Variants in PCDHA2 observed in about 807,000 individuals in gnomAD.
PCDHA2 encodes protocadherin alpha 2, also known as protocadherin alpha-2.
Under a neutral mutation model 66.0 loss-of-function variants are expected in PCDHA2, and 58 were observed. The ratio of observed to expected loss-of-function variants is 0.88; its 90% CI spans 0.71 to 1.09. PCDHA2 has a LOEUF of 1.09. Ranked by LOEUF, PCDHA2 falls within the 50% of genes least tolerant of loss-of-function variation. The pLI is 0.00. For missense variants in PCDHA2, 1,267 were observed against 1,242.3 expected, an observed-to-expected ratio of 1.02 and a Z score of -0.30; for synonymous variants, 634 against 554.0, an observed-to-expected ratio of 1.14 and a Z score of -2.03.
rs372206309 is a variant in PCDHA2, at chr5:140,802,317, G to A, written c.2388+4965G>A. ...TAGCACAGTCATCGCTCTGATCAGC[G>A]TGTCCGACCGCGACTCAGGAGTCAA... On this transcript the variant is annotated intron_variant, in intron 1 of 3. Coordinates refer to ENST00000526136, the MANE Select transcript of PCDHA2 (RefSeq NM_018905.3). The A allele has an allele frequency of 8.1e-6, 13 of 1,614,088 alleles. No individual in the cohort carries two copies. The highest frequency in any genetic ancestry group is 1.3e-5 in the African/African-American group (1 of 74,922).
At chr5:140,896,858 A>C (rs1448787828) in intron 1 of PCDHA2, among the ~76,000 whole-genome samples, 3 of 152,192 alleles carry the variant, frequency 2.0e-5, no homozygotes, top group Non-Finnish European at 4.4e-5. Context: ...TGGGTACATA[A>C]TAAGTGTACA....
chr5:140,884,357 A>C, intron 1 of PCDHA2: 1 of 1,613,864 alleles, frequency 6.2e-7, no homozygotes. Context: ...GGTGGATGTC[A>C]ATGTTTACTT....
intron 1 of PCDHA2, among the ~76,000 whole-genome samples, chr5:140,798,107 A>G (rs1259151781): frequency 6.6e-6 from 1 of 152,092 alleles, no homozygotes; most frequent in Non-Finnish European, 1.5e-5. Flanking sequence ...CCTGGCCTCA[A>G]GTGATCCACC....
chr5:140,967,017 C>T, intron 1 of PCDHA2: 1 of 1,606,892 alleles, frequency 6.2e-7, no homozygotes, highest in Non-Finnish European at 8.5e-7. Context: ...CATCTGGGTG[C>T]GCCCAGTCCG....
intron 1 of PCDHA2, among the ~76,000 whole-genome samples, chr5:140,891,033 G>C (rs2062910794): frequency 6.6e-6 from 1 of 151,596 alleles, no homozygotes; most frequent in South Asian, 2.1e-4. Context: ...TATAATCTTA[G>C]GTGTGACCCC....
chr5:140,870,509 C>T, intron 1 of PCDHA2: 2 of 1,614,230 alleles, frequency 1.2e-6, no homozygotes, highest in Non-Finnish European at 1.7e-6. Context: ...AACAACCCAC[C>T]AGGCTGCCAC....
chr5:140,806,966 G>T, intron 1 of PCDHA2: 2 of 604,288 alleles, frequency 3.3e-6, no homozygotes. Flanking sequence ...TTCCACAATT[G>T]CTACTTACGG....
At chr5:140,977,815 G>C (rs2096776039) in intron 1 of PCDHA2, among the ~76,000 whole-genome samples, 1 of 152,208 alleles carries the variant, frequency 6.6e-6, no homozygotes, top group Non-Finnish European at 1.5e-5. Context: ...ATTATTGACA[G>C]TTTTGAATGG....
At chr5:140,952,675 T>A (rs2153696875) in intron 1 of PCDHA2, among the ~76,000 whole-genome samples, 1 of 152,326 alleles carries the variant, frequency 6.6e-6, no homozygotes, top group East Asian at 1.9e-4. Context: ...ACTTTCACAT[T>A]TTCAGGATCT....
chr5:140,926,353 C>T (rs1402316154), intron 1 of PCDHA2: 1 of 152,272 alleles, frequency 6.6e-6, no homozygotes, highest in Non-Finnish European at 1.5e-5. Flanking sequence ...ACGCGCGGCT[C>T]CCAAAGGGCG....
intron 3 of PCDHA2, among the ~76,000 whole-genome samples, chr5:140,984,330 A>C (rs2097097334): frequency 6.6e-6 from 1 of 152,204 alleles, no homozygotes; most frequent in Admixed American, 6.5e-5. Context: ...CAAATGTGGA[A>C]TAGGAACCAT....
chr5:140,981,861 A>G (rs1554243465), intron 2 of PCDHA2, among the ~76,000 whole-genome samples: 1 of 152,126 alleles, frequency 6.6e-6, no homozygotes, highest in Non-Finnish European at 1.5e-5. Context: ...ACTCCCAGCA[A>G]TGTTTTATGC....
At chr5:140,871,651 T>C (rs1415489448) in intron 1 of PCDHA2, 20 of 1,258,470 alleles carry the variant, frequency 1.6e-5, no homozygotes, top group Non-Finnish European at 1.9e-5. Flanking sequence ...TACCAAATGA[T>C]ACACATCTTC....
At chr5:140,879,676 C>G (rs539657930) in intron 1 of PCDHA2, among the ~76,000 whole-genome samples, 1 of 152,308 alleles carries the variant, frequency 6.6e-6, no homozygotes, top group South Asian at 2.1e-4. Flanking sequence ...AAACTGGGTG[C>G]TGTAAAACAG....
rs1342638858 is a variant in PCDHA2 at position 140,800,974 on chromosome 5, A to G, written c.2388+3622A>G. 4 of 1,267,784 alleles carry G rather than the reference A, an allele frequency of 3.2e-6. No homozygotes were observed. In the African/African-American group the frequency reaches 6.0e-5, roughly 19 times the overall value. The allele number at this position is 1,267,784 out of a possible 1,614,324, so 78.5% of individuals were successfully genotyped here. The stretch of plus-strand genomic sequence containing the variant: ...CATACAAGGAAAAGAAGATACGTTT[A>G]CATATTTAATACTTACACGTTTAGC... On this transcript the variant is annotated intron_variant, in intron 1 of 3. Transcript: ENST00000526136.
At chr5:140,969,766 C>A (rs1384743731) in intron 1 of PCDHA2, among the ~76,000 whole-genome samples, 2 of 152,130 alleles carry the variant, frequency 1.3e-5, no homozygotes, top group Non-Finnish European at 1.5e-5. Context: ...AGCTCTGAGG[C>A]CTCTAGGGGC....
chr5:140,932,101 T>G (rs1281828369), intron 1 of PCDHA2, among the ~76,000 whole-genome samples: 6 of 151,958 alleles, frequency 3.9e-5, no homozygotes, highest in Non-Finnish European at 8.8e-5. Context: ...TTTTTATCTC[T>G]GTATTTCCAA....
chr5:140,995,180 A>C (rs1014057978), intron 3 of PCDHA2, among the ~76,000 whole-genome samples: 4 of 152,190 alleles, frequency 2.6e-5, no homozygotes, highest in African/African-American at 9.7e-5. Context: ...AGGTGCACCT[A>C]TGATAAAGTT....
rs782148992 is a variant in PCDHA2 at position 140,809,135 on chromosome 5, C to T, written c.2388+11783C>T. ...CGCTCCGCGCCACCGCCTACTGGTA[C>T]TGGTGAAGGACCACGGCGAGCCCGC... On this transcript the variant is annotated intron_variant, in intron 1 of 3. Coordinates refer to ENST00000526136, the MANE Select transcript of PCDHA2 (RefSeq NM_018905.3). 24 of 1,613,884 alleles carry T rather than the reference C, an allele frequency of 1.5e-5. No homozygotes were observed. In the Middle Eastern group the frequency reaches 4.9e-4, roughly 33 times the overall value.
Sources: allele counts gnomAD v4.1 joint callset (sites outside exome capture counted in the v4.1 genomes callset), GRCh38; gene constraint gnomAD v4.1.1; transcripts MANE v1.5; gene names NCBI Gene and HGNC (gene_info 2026-07-23, HGNC 2026-07-21).